The following ICE2 variants were observed in gnomAD, a reference collection of about 807,000 sequenced individuals.
ICE2 encodes the protein little elongation complex subunit 2.
ICE2 carries 87 observed loss-of-function variants against 105.4 expected under a neutral mutation model. The observed-to-expected ratio is 0.83, with a 90% CI of 0.69 to 0.99. ICE2 has a LOEUF of 0.99. ICE2 is among the 50% of genes least tolerant of loss of function. The pLI is 0.00. For synonymous variants in ICE2, 399 were observed against 392.0 expected (o/e 1.02, Z -0.21); for missense variants, 1,323 against 1,146.7 (o/e 1.15, Z -2.22).
In ICE2 at chr15:60,449,259, T is replaced by C. The variant is rs1331364716; in HGVS notation, c.1708A>G (p.Ser570Gly). Residue 570 changes from serine to glycine, a missense_variant, in exon 10 of 16, where the codon AGC (serine) becomes GGC (glycine). Coordinates refer to ENST00000261520, the MANE Select transcript of ICE2 (RefSeq NM_024611.6). ...AAACACTCCTCATCTGTATCACTGC[T>C]GCAGAGAACTGTATCTTCAGTTTTT... ...AAKTEDTVLC[S>G]SDTDEECLII... The C allele has an allele frequency of 5.0e-6, 8 of 1,613,542 alleles. No homozygotes were observed. The Admixed American group carries it at 1.3e-4, about 27-fold the overall frequency.
At chr15:60,453,567 A>G (rs954719779) in intron 9 of ICE2, 36 bp downstream of exon 9, 4 of 1,603,856 alleles carry the variant, frequency 2.5e-6, no homozygotes, top group Non-Finnish European at 3.4e-6. Flanking sequence ...ATAAACAAGT[A>G]CATTCCCCTT....
chr15:60,426,373 A>T (rs1340998035), intron 15 of ICE2, among the ~76,000 whole-genome samples: 1 of 152,226 alleles, frequency 6.6e-6, no homozygotes, highest in East Asian at 1.9e-4. Context: ...AGGTCTGTAG[A>T]CTACCTAACA....
chr15:60,428,043 C>T (rs1228734437), intron 15 of ICE2, among the ~76,000 whole-genome samples: 1 of 152,110 alleles, frequency 6.6e-6, no homozygotes, highest in Non-Finnish European at 1.5e-5. Flanking sequence ...AATTTTATTA[C>T]ATGTACTCTT....
rs202128324 is a variant in ICE2 at position 60,466,973 on chromosome 15, CA to C, written c.409-261del. 2.8e-4 allele frequency among the ~76,000 whole-genome samples: 43 copies of C among 151,944 alleles called. 1 individual carries two copies. Among genetic ancestry groups the C allele is most frequent in the South Asian group, 1.9e-3 (9 of 4,812 alleles). On this transcript the variant is annotated intron_variant, in intron 4 of 15. Transcript: ENST00000261520. ...AGAAGTTGATTTTATAAAATGCTGTCAAAAAAAATTTTTTTTTTTAATTTAT... is the reference window on the plus strand; with the variant it reads ...AGAAGTTGATTTTATAAAATGCTGTCAAAAAAATTTTTTTTTTTAATTTAT...
chr15:60,478,164 C>A, intron 1 of ICE2, 95 bp from the exon 2 acceptor site: 2 of 608,964 alleles, frequency 3.3e-6, no homozygotes, highest in Non-Finnish European at 2.9e-6. Flanking sequence ...CATCTACCCT[C>A]AACAGACTGT....
chr15:60,456,747 G>C lies in ICE2; in HGVS notation c.576C>G (p.Phe192Leu). The C allele has an allele frequency of 6.5e-7, 1 of 1,549,288 alleles. No homozygotes were observed. The change falls in exon 6 of 16, where the codon TTC becomes TTG. Residue 192 changes from phenylalanine (F) to leucine (L), a missense_variant. Phe to Leu is a conservative substitution (Grantham distance 22). Transcript: ENST00000261520. The stretch of plus-strand genomic sequence containing the variant: ...AGCTGGTGACCTCGTGGAGAGTATA[G>C]AATTCTGAATACTTTTTCACTTGTT... ...CIEQVKKYSE[F>L]YTLHEVTSLM...
At chr15:60,472,748 G>C (rs899078605) in intron 3 of ICE2, among the ~76,000 whole-genome samples, 12 of 152,074 alleles carry the variant, frequency 7.9e-5, no homozygotes, top group African/African-American at 2.9e-4. Context: ...GTCTATTCAG[G>C]TGGCTGAGGT....
At chr15:60,462,628 A>G (rs1268272031) in intron 5 of ICE2, among the ~76,000 whole-genome samples, 1 of 152,204 alleles carries the variant, frequency 6.6e-6, no homozygotes, top group Non-Finnish European at 1.5e-5. Context: ...TGGAATATAC[A>G]AAGAAATCTT....
intron 15 of ICE2, among the ~76,000 whole-genome samples, chr15:60,424,293 C>T (rs2140981803): frequency 6.7e-6 from 1 of 149,646 alleles, no homozygotes; most frequent in Admixed American, 6.6e-5. Flanking sequence ...AAAAAAAAAA[C>T]AGTAAAAGTG....
At chr15:60,462,099 G>T (rs2064294544) in intron 5 of ICE2, among the ~76,000 whole-genome samples, 2 of 152,194 alleles carry the variant, frequency 1.3e-5, no homozygotes, top group South Asian at 4.1e-4. Flanking sequence ...TAAAAGGAAA[G>T]AATCTAGTAT....
chr15:60,447,015 A>T (rs187998770), intron 11 of ICE2, among the ~76,000 whole-genome samples: 1 of 151,118 alleles, frequency 6.6e-6, no homozygotes, highest in Non-Finnish European at 1.5e-5. Flanking sequence ...TCATACACAC[A>T]AAAAAATGCA....
chr15:60,425,057 T>C (rs1244810520), intron 15 of ICE2, among the ~76,000 whole-genome samples: 1 of 152,120 alleles, frequency 6.6e-6, no homozygotes, highest in Non-Finnish European at 1.5e-5. Context: ...CTCCAAGCAC[T>C]CTCTCTCATA....
At chr15:60,456,540 C>CAAAAAAAA (rs1425301397) in intron 6 of ICE2, 117 bp downstream of exon 6, 337 of 33,680 alleles carry the variant, frequency 0.01, 9 homozygotes, top group South Asian at 0.015. Context: ...ACTCTGTCTC[C>CAAAAAAAA]AAAAAAAAAA....
chr15:60,424,439 T>C (rs1267932166), intron 15 of ICE2, among the ~76,000 whole-genome samples: 1 of 3,312 alleles, frequency 3.0e-4, no homozygotes, highest in East Asian at 0.015. Flanking sequence ...GGAACTTTGC[T>C]GTGGTTCTAC....
chr15:60,478,876 G>C, intron 1 of ICE2, 127 bp downstream of exon 1: 6 of 438,736 alleles, frequency 1.4e-5, no homozygotes, highest in South Asian at 9.4e-5. Context: ...GAGCCGCGCA[G>C]AGCCAGGAGC....
intron 3 of ICE2, among the ~76,000 whole-genome samples, chr15:60,474,719 G>A (rs542825200): frequency 1.4e-4 from 21 of 152,170 alleles, no homozygotes; most frequent in Non-Finnish European, 2.6e-4. Flanking sequence ...GCATATGTAA[G>A]TCTTTAAAGA....
chr15:60,463,762 C>T (rs1016933830), intron 5 of ICE2, among the ~76,000 whole-genome samples: 38 of 152,100 alleles, frequency 2.5e-4, no homozygotes, highest in Admixed American at 1.3e-4. Context: ...AAGAGCGAAG[C>T]TCCGTCTCTT....
intron 13 of ICE2, among the ~76,000 whole-genome samples, chr15:60,432,774 C>T (rs927516337): frequency 6.6e-6 from 1 of 151,700 alleles, no homozygotes; most frequent in Non-Finnish European, 1.5e-5. Flanking sequence ...CATCTGTAGT[C>T]CCAGCTACTG....
At chr15:60,434,616 G>A (rs923363301) in intron 13 of ICE2, among the ~76,000 whole-genome samples, 2 of 151,760 alleles carry the variant, frequency 1.3e-5, no homozygotes, top group South Asian at 2.1e-4. Context: ...TATTTGCATC[G>A]TGGATAGAAC....
Sources: gnomAD v4.1 joint callset for allele counts (sites outside exome capture counted in the v4.1 genomes callset) on GRCh38, gnomAD v4.1.1 for gene constraint, MANE v1.5 for transcripts, NCBI Gene and HGNC (gene_info 2026-07-23, HGNC 2026-07-21) for gene names.